DCLRE1C: variants seen among roughly 807,000 people sequenced by gnomAD.
DCLRE1C encodes DNA cross-link repair 1C.
DCLRE1C carries 47 observed loss-of-function variants against 61.4 expected under a neutral mutation model. The observed-to-expected ratio is 0.77, with a 90% confidence interval of 0.61 to 0.98. The LOEUF (loss-of-function observed/expected upper bound fraction) is 0.98, where lower values mean the gene tolerates loss of function less well. Among genes scored for constraint, DCLRE1C ranks in the 50% least tolerant of loss-of-function variants. The pLI is 0.00. For missense variants in DCLRE1C, 858 were observed against 816.0 expected (o/e 1.05, Z -0.63); for synonymous variants, 337 against 287.6 (o/e 1.17, Z -1.74).
chr10:14,944,680 T>C (rs971011464), intron 3 of DCLRE1C, among the ~76,000 whole-genome samples: 7 of 146,836 alleles, frequency 4.8e-5, no homozygotes, highest in South Asian at 2.2e-4. Context: ...TTTCTTTTTT[T>C]TTTTTTTTTT....
rs761366134 is a variant in DCLRE1C at position 14,936,574 on chromosome 10, G to A, written c.326C>T (p.Thr109Ile). ...ASGEKEEIVVTLLPAGHCPGS... is the reference protein window; with the variant it reads ...ASGEKEEIVVILLPAGHCPGS... ...CGGACAGTGACCAGCTGGTAAGAGA[G>A]TCACAACAATCTCTTCCTTCTAAAA... Residue 109 changes from threonine (T) to isoleucine (I), a missense_variant, in exon 5 of 14, where the codon ACT becomes ATT. Transcript: ENST00000378278. 6.2e-7 allele frequency: 1 copy of A among 1,612,734 alleles called. No homozygotes were observed. Among genetic ancestry groups the A allele is most frequent in the East Asian group, 2.2e-5 (1 of 44,876 alleles).
downstream of DCLRE1C, chr10:14,902,350 T>G (rs1834083688): frequency 2.4e-6 from 3 of 1,260,194 alleles, no homozygotes; most frequent in South Asian, 1.4e-5. Flanking sequence ...AATTTGAAAT[T>G]TATTCTAAAT....
In DCLRE1C at chr10:14,919,815, C is replaced by G; in HGVS notation, c.1079G>C (p.Arg360Pro). The change falls in exon 13 of 14, where the codon CGG (arginine) becomes CCG (proline). Residue 360 changes from arginine to proline, a missense_variant. Physicochemically the swap from Arg to Pro is moderately radical, Grantham distance 103 (BLOSUM62 -2). This residue lies in a region of DCLRE1C where 843 missense variants were observed against 783.5 expected (regional missense o/e 1.08). Transcript: ENST00000378278. ...KVVEILKPLC[R>P]SSQSTEPKYK... ...CTTTGGCTCCGTACTTTGGGAAGAC[C>G]GGCATAAAGGCTTTAAGCTGAAATG... The G allele has an allele frequency of 6.2e-7, 1 of 1,613,374 alleles. No individual in the cohort carries two copies. Among genetic ancestry groups the G allele is most frequent in the Non-Finnish European group, 8.5e-7 (1 of 1,179,432 alleles).
At chr10:14,915,291 T>G (rs1835983805) in intron 13 of DCLRE1C, among the ~76,000 whole-genome samples, 1 of 151,656 alleles carries the variant, frequency 6.6e-6, no homozygotes, top group African/African-American at 2.4e-5. Flanking sequence ...TGGAATTCAA[T>G]GAAATAGAAA....
downstream of DCLRE1C, chr10:14,899,766 TTAAAC>T (rs1256690297): frequency 2.0e-6 from 3 of 1,480,724 alleles, no homozygotes; most frequent in African/African-American, 2.8e-5. Flanking sequence ...ATAATTCCCT[TTAAAC>T]TACATATCCT....
At chr10:14,927,985 T>C (rs918914927) in intron 10 of DCLRE1C, 31 bp downstream of exon 10, 1 of 1,611,898 alleles carries the variant, frequency 6.2e-7, no homozygotes, top group Non-Finnish European at 8.5e-7. Context: ...TCAAAGTTTC[T>C]CTCAGAAGAC....
intron 12 of DCLRE1C, among the ~76,000 whole-genome samples, chr10:14,920,947 C>T (rs1483939620): frequency 6.6e-6 from 1 of 151,700 alleles, no homozygotes; most frequent in East Asian, 1.9e-4. Flanking sequence ...TGCACCACTG[C>T]ACTCCAGCCT....
intron 1 of DCLRE1C, among the ~76,000 whole-genome samples, chr10:14,949,458 C>A (rs1390422667): frequency 1.3e-5 from 2 of 152,214 alleles, no homozygotes; most frequent in African/African-American, 2.4e-5. Context: ...TCACTTTCTG[C>A]CACTTAAATC....
At chr10:14,917,899 G>T (rs1373743698) in intron 13 of DCLRE1C, among the ~76,000 whole-genome samples, 1 of 152,118 alleles carries the variant, frequency 6.6e-6, no homozygotes, top group Non-Finnish European at 1.5e-5. Context: ...TGGCAAATAC[G>T]CACATTAAAA....
rs899282273 is a variant in DCLRE1C at position 14,905,681 on chromosome 10, G to C, written c.*2727C>G. On this transcript the variant is annotated 3_prime_UTR_variant, in exon 14 of 14. Transcript: ENST00000378278. ...TGAGTGTCTTCTGTGATACATCTTG[G>C]CATTTTGAAACTTCATGTTTCGGCT... Among the ~76,000 whole-genome samples the C allele has an allele frequency of 2.0e-5, 3 of 152,168 alleles. No homozygotes were observed. Among genetic ancestry groups the C allele is most frequent in the Non-Finnish European group, 4.4e-5 (3 of 68,028 alleles).
rs905095935 is a variant in DCLRE1C at position 14,907,345 on chromosome 10, G to C, written c.*1063C>G. On this transcript the variant is annotated 3_prime_UTR_variant, in exon 14 of 14. Coordinates refer to ENST00000378278, the MANE Select transcript of DCLRE1C (RefSeq NM_001033855.3). ...CAGGTGTGTTTATGAGCAAAGATAT[G>C]ATCATGCTGAATGTTCCATGTGTAC... is the stretch of plus-strand genomic sequence containing the variant. Among the ~76,000 whole-genome samples, 1 of 150,728 alleles carries C rather than the reference G, an allele frequency of 6.6e-6. No individual in the cohort carries two copies. The highest frequency in any genetic ancestry group is 1.5e-5 in the Non-Finnish European group (1 of 67,850).
At chr10:14,916,544 A>C (rs1315847747) in intron 13 of DCLRE1C, among the ~76,000 whole-genome samples, 1 of 152,246 alleles carries the variant, frequency 6.6e-6, no homozygotes, top group Non-Finnish European at 1.5e-5. Flanking sequence ...ATGTTCCAAA[A>C]TTCAAAGAAG....
intron 9 of DCLRE1C, among the ~76,000 whole-genome samples, chr10:14,930,078 A>G (rs1838710074): frequency 6.6e-6 from 1 of 152,146 alleles, no homozygotes; most frequent in Non-Finnish European, 1.5e-5. Context: ...GCCCAATACT[A>G]TGAGTCCAAC....
chr10:14,928,942 C>T (rs1004601725), intron 9 of DCLRE1C, among the ~76,000 whole-genome samples: 1 of 151,912 alleles, frequency 6.6e-6, no homozygotes, highest in African/African-American at 2.4e-5. Flanking sequence ...ACCACCACAC[C>T]CAGCTAAATT....
rs1721900077 is a variant in DCLRE1C at position 14,928,013 on chromosome 10, T to C, written c.917+3A>G. 1 of 1,613,640 alleles carries C rather than the reference T, an allele frequency of 6.2e-7. No homozygotes were observed. On this transcript the variant is annotated splice_donor_region_variant and intron_variant, in intron 10 of 13. Coordinates refer to ENST00000378278, the MANE Select transcript of DCLRE1C (RefSeq NM_001033855.3). ...CAGAAGACCTATGATATTGCTCTCT[T>C]ACCTCACAATTACATTTGTTTTTCT...
Position 14,908,666 on chromosome 10 carries a change from G to A in DCLRE1C, c.1821C>T (p.Ser607=). The A allele has an allele frequency of 1.2e-6, 2 of 1,614,118 alleles. No individual in the cohort carries two copies. The highest frequency in any genetic ancestry group is 1.7e-6 in the Non-Finnish European group (2 of 1,180,014). Residue 607 remains serine, a synonymous_variant, in exon 14 of 14, where the codon AGC becomes AGT. Coordinates refer to ENST00000378278, the MANE Select transcript of DCLRE1C (RefSeq NM_001033855.3). The stretch of plus-strand genomic sequence containing the variant: ...GAACTATTGTCACATCTTTATCTCT[G>A]CTTTTCAAATCAGAGTAAGTATCCT... ...CPKDTYSDLK[S]RDKDVTIVPS...
chr10:14,902,852 G>C (rs116910335), downstream of DCLRE1C: 1,017 of 158,206 alleles, frequency 6.4e-3, 34 homozygotes, highest in East Asian at 0.097. Context: ...ATTAACAACT[G>C]CTGAGAGATC....
exon 14 of DCLRE1C, chr10:14,899,024 A>T (rs1002060874): frequency 3.8e-5 from 22 of 577,704 alleles, no homozygotes; most frequent in Non-Finnish European, 6.5e-5. Flanking sequence ...TGTACTGCTC[A>T]AATCCTGTTT....
chr10:14,910,034 C>A (rs1834989575), intron 13 of DCLRE1C, among the ~76,000 whole-genome samples: 1 of 152,196 alleles, frequency 6.6e-6, no homozygotes. Flanking sequence ...AAGTTAAATG[C>A]ACCCAAGACT....
Sources: allele counts gnomAD v4.1 joint callset (sites outside exome capture counted in the v4.1 genomes callset), GRCh38; gene constraint gnomAD v4.1.1; regional missense constraint gnomAD v4.1.1; transcripts MANE v1.5; gene names NCBI Gene and HGNC (gene_info 2026-07-23, HGNC 2026-07-21).